The following KCNH1 variants were observed in gnomAD, a reference collection of about 807,000 sequenced individuals.
KCNH1 encodes potassium voltage-gated channel subfamily H member 1, also known as voltage-gated delayed rectifier potassium channel KCNH1.
KCNH1 carries 27 observed loss-of-function variants against 69.2 expected under a neutral mutation model. That is an observed-to-expected ratio of 0.39 (90% CI 0.29 to 0.54). The LOEUF (loss-of-function observed/expected upper bound fraction) is 0.54, where lower values mean the gene tolerates loss of function less well. Ranked by LOEUF, KCNH1 falls within the 20% of genes least tolerant of loss-of-function variation. The pLI is 0.68. For missense variants in KCNH1, 798 were observed against 1,261.6 expected (o/e 0.63, Z 5.57); for synonymous variants, 456 against 487.7 (o/e 0.93, Z 0.86).
intron 6 of KCNH1, among the ~76,000 whole-genome samples, chr1:210,935,004 G>A (rs1687749949): frequency 6.6e-6 from 1 of 151,762 alleles, no homozygotes; most frequent in African/African-American, 2.4e-5. Flanking sequence ...CCAAAAGAAA[G>A]GGAATCAGTA....
At chr1:211,110,939 A>G (rs1691449276) in intron 1 of KCNH1, among the ~76,000 whole-genome samples, 1 of 152,150 alleles carries the variant, frequency 6.6e-6, no homozygotes, top group Admixed American at 6.5e-5. Context: ...CTAAAATTAG[A>G]AGCCATGGCC....
chr1:210,719,059 G>A (rs1682384864), intron 10 of KCNH1, among the ~76,000 whole-genome samples: 1 of 152,100 alleles, frequency 6.6e-6, no homozygotes, highest in Non-Finnish European at 1.5e-5. Context: ...GCATTGTCCA[G>A]TATGGTAGCC....
chr1:211,041,845 C>A (rs1030070659), intron 5 of KCNH1, among the ~76,000 whole-genome samples: 1 of 152,154 alleles, frequency 6.6e-6, no homozygotes, highest in African/African-American at 2.4e-5. Context: ...ACCTCTGCCT[C>A]CCGGGTTCAA....
intron 2 of KCNH1, among the ~76,000 whole-genome samples, chr1:211,106,989 T>G (rs1473011688): frequency 6.6e-6 from 1 of 152,224 alleles, no homozygotes; most frequent in African/African-American, 2.4e-5. Flanking sequence ...TGAGTTCACA[T>G]TTTATAGACA....
At chr1:210,763,590 T>C (rs1384028848) in intron 10 of KCNH1, among the ~76,000 whole-genome samples, 1 of 152,040 alleles carries the variant, frequency 6.6e-6, no homozygotes, top group Non-Finnish European at 1.5e-5. Context: ...GAGAGCCAAA[T>C]CAAGAATGCA....
intron 5 of KCNH1, among the ~76,000 whole-genome samples, chr1:211,059,448 G>A (rs1690381014): frequency 6.6e-6 from 1 of 151,292 alleles, no homozygotes; most frequent in Admixed American, 6.6e-5. Flanking sequence ...TAAAGAGAGA[G>A]GGAGATTCCT....
intron 5 of KCNH1, among the ~76,000 whole-genome samples, chr1:211,063,105 C>T (rs1690460371): frequency 6.6e-6 from 1 of 152,132 alleles, no homozygotes; most frequent in South Asian, 2.1e-4. Flanking sequence ...GGTACACATA[C>T]ACAATGGAAT....
intron 10 of KCNH1, among the ~76,000 whole-genome samples, chr1:210,728,390 A>C (rs181813359): frequency 5.3e-5 from 8 of 152,318 alleles, no homozygotes; most frequent in Admixed American, 2.0e-4. Flanking sequence ...ATAATGAGAG[A>C]CCACACAGTA....
chr1:210,866,673 G>C (rs1686117261), intron 7 of KCNH1, among the ~76,000 whole-genome samples: 1 of 152,106 alleles, frequency 6.6e-6, no homozygotes, highest in Non-Finnish European at 1.5e-5. Flanking sequence ...TGGTGCAGAT[G>C]CTTTGGAAAA....
chr1:210,907,032 C>G (rs538290363), intron 7 of KCNH1, among the ~76,000 whole-genome samples: 1 of 152,292 alleles, frequency 6.6e-6, no homozygotes, highest in Admixed American at 6.5e-5. Flanking sequence ...AGGACACCAT[C>G]AAGAAAGTGA....
In KCNH1 at chr1:210,920,000, G is replaced by C; in HGVS notation, c.1102C>G (p.Leu368Val). Residue 368 changes from leucine (L) to valine (V), a missense_variant, in exon 7 of 11, where the codon CTG (leucine) becomes GTG (valine). By Grantham distance (32) the Leu-to-Val change is conservative (BLOSUM62 1). Around this residue, in one of 4 missense-constraint regions of KCNH1, gnomAD observed 266 missense variants for 457.2 expected, o/e 0.58. Transcript: ENST00000271751. The surrounding 1 kb of genome is among the most constrained non-coding windows in gnomAD (Gnocchi z 4.2). ...LLRLGRVARK[L>V]DHYIEYGAAV... is the part of the protein sequence containing the mutation. Reference sequence around the variant, plus strand: ...GCTCCATATTCAATGTAGTGGTCCAGCTTACGGGCCACTCGCCCAAGACGG... The same window carrying C: ...GCTCCATATTCAATGTAGTGGTCCACCTTACGGGCCACTCGCCCAAGACGG... 1 of 1,614,172 alleles carries C rather than the reference G, an allele frequency of 6.2e-7. No individual in the cohort carries two copies. The highest frequency in any genetic ancestry group is 8.5e-7 in the Non-Finnish European group (1 of 1,180,016).
At chr1:210,946,670 C>T (rs80137749) in intron 6 of KCNH1, among the ~76,000 whole-genome samples, 1,987 of 152,262 alleles carry the variant, frequency 0.013, 48 homozygotes, top group African/African-American at 0.045. Context: ...CCCATAAGGC[C>T]CTTGTGGCCT....
rs1356477648 is a variant in KCNH1, at chr1:210,684,035, C to T, written c.2216G>A (p.Arg739His). 3.2e-6 allele frequency: 5 copies of T among 1,578,712 alleles called. No homozygotes were observed. Among genetic ancestry groups the T allele is most frequent in the Admixed American group, 1.7e-5 (1 of 57,588 alleles). ...CTGCTGTCGGAATCTCTGGAAGAGG[C>T]GCCGGACAGGGTGGTCCGGGGGCAA... ...LILPPDHPVRRLFQRFRQQKE... is the reference protein window; with the variant it reads ...LILPPDHPVRHLFQRFRQQKE... Residue 739 changes from arginine (R) to histidine (H), a missense_variant, in exon 11 of 11, where the codon CGC becomes CAC. By Grantham distance (29) the Arg-to-His change is conservative. This residue lies in a region of KCNH1 where 331 missense variants were observed against 363.2 expected (regional missense o/e 0.91). Coordinates refer to ENST00000271751, the MANE Select transcript of KCNH1 (RefSeq NM_172362.3).
intron 7 of KCNH1, among the ~76,000 whole-genome samples, chr1:210,877,030 G>A (rs1686389914): frequency 6.8e-6 from 1 of 147,042 alleles, no homozygotes; most frequent in Non-Finnish European, 1.5e-5. Flanking sequence ...TCTTGAGGGA[G>A]ATCTAAGTCA....
chr1:210,852,279 A>T (rs1685722788), intron 7 of KCNH1, among the ~76,000 whole-genome samples: 1 of 152,170 alleles, frequency 6.6e-6, no homozygotes, highest in African/African-American at 2.4e-5. Context: ...TCAAAAGCTC[A>T]AAGAAGCTCA....
At chr1:211,110,007 AAG>A (rs937314207) in intron 1 of KCNH1, among the ~76,000 whole-genome samples, 27 of 151,806 alleles carry the variant, frequency 1.8e-4, no homozygotes, top group African/African-American at 6.3e-4. Flanking sequence ...CAGAAAGAGA[AAG>A]AGACAAGAAA....
chr1:211,055,182 A>T lies in KCNH1; in HGVS notation c.558+27598T>A, dbSNP rs75161692. On this transcript the variant is annotated intron_variant, in intron 5 of 10. Coordinates refer to ENST00000271751, the MANE Select transcript of KCNH1 (RefSeq NM_172362.3). ...GAAAAGGGTAGAAAAGACAGCTGTA[A>T]ATTGCCTATACCACCCCTCCCCTAT... 8.5e-3 allele frequency among the ~76,000 whole-genome samples: 1,299 copies of T among 152,306 alleles called. 18 individuals carry two copies. Among genetic ancestry groups the T allele is most frequent in the African/African-American group, 0.029 (1,210 of 41,550 alleles).
chr1:211,118,421 A>G (rs1691624420), intron 1 of KCNH1, among the ~76,000 whole-genome samples: 1 of 152,140 alleles, frequency 6.6e-6, no homozygotes, highest in African/African-American at 2.4e-5. Context: ...ATTGGCTCTC[A>G]TCTGAAAGTT....
chr1:210,811,385 T>G (rs1240733252), intron 7 of KCNH1, among the ~76,000 whole-genome samples: 1 of 152,212 alleles, frequency 6.6e-6, no homozygotes, highest in Non-Finnish European at 1.5e-5. Flanking sequence ...GAAAATTTTT[T>G]GGGAGCTCTG....
Sources: gnomAD v4.1 joint callset for allele counts (sites outside exome capture counted in the v4.1 genomes callset) on GRCh38, gnomAD v4.1.1 for gene constraint, gnomAD v4.1.1 regional missense constraint, Gnocchi (gnomAD v3.1) non-coding constraint, MANE v1.5 for transcripts, NCBI Gene and HGNC (gene_info 2026-07-23, HGNC 2026-07-21) for gene names.